CCDC126: variants seen among roughly 807,000 people sequenced by gnomAD.
CCDC126 encodes coiled-coil domain-containing protein 126.
In CCDC126, 5 loss-of-function variants were observed where a neutral mutation model predicts 11.7. That is an observed-to-expected ratio of 0.43 (90% CI 0.22 to 0.90). The LOEUF is 0.90. Among genes scored for constraint, CCDC126 ranks in the 40% least tolerant of loss-of-function variants. CCDC126 has a pLI of 0.27. For missense variants in CCDC126, 150 were observed against 163.1 expected (o/e 0.92, Z 0.44); for synonymous variants, 60 against 61.9 (o/e 0.97, Z 0.14).
chr7:23,608,282 C>T (rs1055689286), intron 2 of CCDC126, among the ~76,000 whole-genome samples: 2 of 152,098 alleles, frequency 1.3e-5, no homozygotes, highest in East Asian at 3.9e-4. Flanking sequence ...TAGGTTGTTT[C>T]GTTGGAACTG....
chr7:23,635,991 TC>T, intron 3 of CCDC126, among the ~76,000 whole-genome samples: 1 of 151,374 alleles, frequency 6.6e-6, no homozygotes, highest in Middle Eastern at 3.4e-3. Flanking sequence ...TGCCTGATTC[TC>T]CTGCCTCAGC....
intron 3 of CCDC126, among the ~76,000 whole-genome samples, chr7:23,629,418 A>G (rs1783069504): frequency 6.6e-6 from 1 of 152,208 alleles, no homozygotes; most frequent in Admixed American, 6.5e-5. Flanking sequence ...AGCCTCCAGA[A>G]CTGTGAGAAA....
intron 3 of CCDC126, 84 bp from the exon 4 acceptor site, chr7:23,642,844 AGTT>A: frequency 1.9e-6 from 2 of 1,049,564 alleles, no homozygotes; most frequent in Middle Eastern, 3.1e-4. Context: ...ATGACCCAGT[AGTT>A]GTTCACCTTT....
At chr7:23,626,794 A>T (rs1251651783) in intron 3 of CCDC126, among the ~76,000 whole-genome samples, 3 of 152,338 alleles carry the variant, frequency 2.0e-5, no homozygotes, top group East Asian at 1.9e-4. Context: ...AATATTTTTT[A>T]AAAATGCTAG....
Position 23,643,247 on chromosome 7 carries a change from T to C in CCDC126, c.*132T>C. On this transcript the variant is annotated 3_prime_UTR_variant, in exon 4 of 4. Coordinates refer to ENST00000307471, the MANE Select transcript of CCDC126 (RefSeq NM_138771.4). Reference sequence around the variant, plus strand: ...CTCTACACATTTTCAAGGAGTATGCTGGATTCATGGAACTCTAATTCTGTA... The same window carrying C: ...CTCTACACATTTTCAAGGAGTATGCCGGATTCATGGAACTCTAATTCTGTA... The C allele has an allele frequency of 7.8e-6, 6 of 771,090 alleles. No individual in the cohort carries two copies. The highest frequency in any genetic ancestry group is 1.0e-5 in the Non-Finnish European group (5 of 496,390). The allele number at this position is 771,090 out of a possible 1,614,324, so 47.8% of individuals were successfully genotyped here.
In CCDC126 at chr7:23,642,839, C is replaced by T. The variant is rs1783387100; in HGVS notation, c.239-92C>T. On this transcript the variant is annotated intron_variant, in intron 3 of 3. Coordinates refer to ENST00000307471, the MANE Select transcript of CCDC126 (RefSeq NM_138771.4). ...TCTAGTACATTTTCCCTCAGATGAC[C>T]CAGTAGTTGTTCACCTTTTTCCTTC... is the stretch of plus-strand genomic sequence containing the variant. 7.0e-6 allele frequency: 7 copies of T among 998,288 alleles called. No individual in the cohort carries two copies. In the South Asian group the frequency reaches 1.1e-4, roughly 15 times the overall value. The allele number at this position is 998,288 out of a possible 1,614,324, so 61.8% of individuals were successfully genotyped here.
chr7:23,635,993 C>G lies in CCDC126; in HGVS notation c.239-6938C>G, dbSNP rs1276442541. 4.6e-5 allele frequency among the ~76,000 whole-genome samples: 7 copies of G among 152,240 alleles called. No individual in the cohort carries two copies. In the South Asian group the frequency reaches 1.5e-3, roughly 32 times the overall value. ...ACTGCAACCTCCCTGCCTGATTCTC[C>G]TGCCTCAGCCTGCCGAGTGCCGCCA... On this transcript the variant is annotated intron_variant, in intron 3 of 3. Coordinates refer to ENST00000307471, the MANE Select transcript of CCDC126 (RefSeq NM_138771.4).
At chr7:23,642,866 A>G (rs895800886) in intron 3 of CCDC126, 65 bp from the exon 4 acceptor site, 5 of 1,411,046 alleles carry the variant, frequency 3.5e-6, no homozygotes, top group Non-Finnish European at 4.9e-6. Flanking sequence ...TTTTCCTTCA[A>G]ACTGTAAAAA....
intron 3 of CCDC126, among the ~76,000 whole-genome samples, chr7:23,624,545 G>T (rs962547888): frequency 5.3e-5 from 8 of 152,134 alleles, no homozygotes; most frequent in African/African-American, 1.4e-4. Context: ...TTCTTAAAGG[G>T]CTATGTCATA....
intron 3 of CCDC126, among the ~76,000 whole-genome samples, chr7:23,642,214 G>GTGT (rs1263416416): frequency 1.3e-5 from 2 of 151,886 alleles, no homozygotes; most frequent in African/African-American, 4.8e-5. Flanking sequence ...GGGTTTCACC[G>GTGT]TGTTAGACAG....
chr7:23,628,994 G>T (rs1783060360), intron 3 of CCDC126, among the ~76,000 whole-genome samples: 1 of 152,210 alleles, frequency 6.6e-6, no homozygotes, highest in African/African-American at 2.4e-5. Flanking sequence ...CCCTGCCAGA[G>T]TGGTGTTAGA....
intron 3 of CCDC126, among the ~76,000 whole-genome samples, chr7:23,616,640 G>T (rs916558698): frequency 2.0e-5 from 3 of 152,072 alleles, no homozygotes; most frequent in African/African-American, 7.2e-5. Flanking sequence ...ATCCCCCTAG[G>T]TTCCAGTGTT....
intron 3 of CCDC126, 137 bp downstream of exon 3, chr7:23,611,690 G>A (rs924710058): frequency 1.1e-5 from 7 of 651,010 alleles, no homozygotes; most frequent in East Asian, 5.3e-5. Flanking sequence ...AATTTCAAAT[G>A]TACTGAAAAA....
chr7:23,611,910 G>A (rs1284164668), intron 3 of CCDC126, among the ~76,000 whole-genome samples: 3 of 152,126 alleles, frequency 2.0e-5, no homozygotes, highest in Admixed American at 6.5e-5. Flanking sequence ...TTGGGAGGCC[G>A]AGGCGGATGG....
rs1488327886 is a variant in CCDC126 at position 23,644,202 on chromosome 7, A to G, written c.*1087A>G. On this transcript the variant is annotated 3_prime_UTR_variant, in exon 4 of 4. Transcript: ENST00000307471. ...TATATAATGGCCACTTAAAATAAGAACATTTAAAATATAAACTATGAAGAT... is the reference window on the plus strand; with the variant it reads ...TATATAATGGCCACTTAAAATAAGAGCATTTAAAATATAAACTATGAAGAT... 6.6e-6 allele frequency: 1 copy of G among 152,238 alleles called. No individual in the cohort carries two copies. Among genetic ancestry groups the G allele is most frequent in the Non-Finnish European group, 1.5e-5 (1 of 67,934 alleles). The allele number at this position is 152,238 out of a possible 1,614,324, so 9.4% of individuals were successfully genotyped here.
chr7:23,641,922 A>G (rs1004605354), intron 3 of CCDC126, among the ~76,000 whole-genome samples: 5 of 150,858 alleles, frequency 3.3e-5, no homozygotes, highest in South Asian at 2.1e-4. Flanking sequence ...CTCCCCCACA[A>G]CTCCACCCCT....
chr7:23,637,483 G>C (rs1783253033), intron 3 of CCDC126, among the ~76,000 whole-genome samples: 1 of 96,884 alleles, frequency 1.0e-5, no homozygotes, highest in African/African-American at 4.0e-5. Context: ...GGGAGGTGGG[G>C]GGGTCAGCCC....
intron 3 of CCDC126, among the ~76,000 whole-genome samples, chr7:23,614,746 G>A (rs79649651): frequency 0.011 from 1,736 of 152,288 alleles, 36 homozygotes; most frequent in African/African-American, 0.038. Context: ...GAGCTGTTGG[G>A]TGACTGGGCA....
intron 2 of CCDC126, among the ~76,000 whole-genome samples, chr7:23,603,013 T>G (rs2128013981): frequency 6.6e-6 from 1 of 152,318 alleles, no homozygotes; most frequent in East Asian, 1.9e-4. Context: ...AGTTCTTTCA[T>G]GCCTTAAATA....
Sources: allele counts gnomAD v4.1 joint callset (sites outside exome capture counted in the v4.1 genomes callset), GRCh38; gene constraint gnomAD v4.1.1; transcripts MANE v1.5; gene names NCBI Gene and HGNC (gene_info 2026-07-23, HGNC 2026-07-21).